Variants in SNX8 observed in about 807,000 individuals in gnomAD.
The protein encoded by SNX8 is sorting nexin-8.
Under a neutral mutation model 51.6 loss-of-function variants are expected in SNX8, and 25 were observed. The observed-to-expected ratio is 0.48, with a 90% CI of 0.35 to 0.68. The LOEUF is 0.68. Among genes scored for constraint, SNX8 ranks in the 30% least tolerant of loss-of-function variants. The pLI, the probability that SNX8 is intolerant of heterozygous loss-of-function variation, is 0.00. For synonymous variants in SNX8, 324 were observed against 277.0 expected, an observed-to-expected ratio of 1.17 and a Z score of -1.68; for missense variants, 695 against 624.0, an observed-to-expected ratio of 1.11 and a Z score of -1.21.
At chr7:2,286,320 A>C (rs1796027406) in intron 1 of SNX8, among the ~76,000 whole-genome samples, 1 of 151,884 alleles carries the variant, frequency 6.6e-6, no homozygotes, top group South Asian at 2.1e-4. Flanking sequence ...CCTAGGTCGT[A>C]TACTTTAAAC....
intron 7 of SNX8, among the ~76,000 whole-genome samples, chr7:2,260,554 G>A (rs982735055): frequency 6.6e-6 from 1 of 152,096 alleles, no homozygotes; most frequent in African/African-American, 2.4e-5. Context: ...ACCCTACTCC[G>A]AGTCTCACGT....
chr7:2,350,299 G>C (rs1222822462), intron 1 of SNX8, among the ~76,000 whole-genome samples: 1 of 152,190 alleles, frequency 6.6e-6, no homozygotes, highest in African/African-American at 2.4e-5. Flanking sequence ...TCTCGGCCCA[G>C]TCTCCGGGCT....
chr7:2,262,023 C>T (rs574935765), intron 7 of SNX8, among the ~76,000 whole-genome samples: 3 of 152,282 alleles, frequency 2.0e-5, no homozygotes, highest in East Asian at 3.9e-4. Context: ...CAAGCTCCCA[C>T]ATTCACAACT....
upstream of SNX8, among the ~76,000 whole-genome samples, chr7:2,318,198 C>T (rs1423518022): frequency 1.3e-5 from 2 of 152,134 alleles, no homozygotes. Context: ...GCACAGGCCA[C>T]CATGCCCAGC....
At chr7:2,296,758 C>A (rs998476313) in intron 1 of SNX8, among the ~76,000 whole-genome samples, 2 of 151,746 alleles carry the variant, frequency 1.3e-5, no homozygotes, top group Admixed American at 1.3e-4. Flanking sequence ...TGGTTAAACC[C>A]CATCTCTACA....
At chr7:2,347,058 T>C (rs1486568210) in intron 1 of SNX8, among the ~76,000 whole-genome samples, 1 of 152,036 alleles carries the variant, frequency 6.6e-6, no homozygotes, top group Non-Finnish European at 1.5e-5. Context: ...GAACAGGGTG[T>C]GTTGCTCACC....
upstream of SNX8, among the ~76,000 whole-genome samples, chr7:2,318,366 C>T (rs1355319070): frequency 6.6e-6 from 1 of 151,602 alleles, no homozygotes; most frequent in Non-Finnish European, 1.5e-5. Flanking sequence ...GCCTGGCCAA[C>T]ATGAGGAAAC....
chr7:2,314,278 C>A (rs1300208062), intron 1 of SNX8, 50 bp downstream of exon 1: 2 of 1,215,556 alleles, frequency 1.6e-6, no homozygotes, highest in Non-Finnish European at 2.0e-6. Flanking sequence ...CGGGGGTGGT[C>A]GGGCCGCGCG....
At chr7:2,325,375 G>A (rs1778604230) in intron 1 of SNX8, among the ~76,000 whole-genome samples, 1 of 152,164 alleles carries the variant, frequency 6.6e-6, no homozygotes, top group Non-Finnish European at 1.5e-5. Flanking sequence ...ACTAGAAATA[G>A]GGAAGTTAAA....
At chr7:2,314,071 A>G (rs907716390) in intron 1 of SNX8, among the ~76,000 whole-genome samples, 1 of 152,130 alleles carries the variant, frequency 6.6e-6, no homozygotes, top group African/African-American at 2.4e-5. Flanking sequence ...GCCAGCTGTA[A>G]CCTGGACAGG....
chr7:2,259,245 A>T (rs1292069390), intron 7 of SNX8, among the ~76,000 whole-genome samples: 1 of 152,198 alleles, frequency 6.6e-6, no homozygotes, highest in African/African-American at 2.4e-5. Context: ...CAACCAAGCC[A>T]GGCCGATGGC....
chr7:2,311,655 A>C (rs534742669), intron 1 of SNX8, among the ~76,000 whole-genome samples: 1 of 151,680 alleles, frequency 6.6e-6, no homozygotes, highest in Non-Finnish European at 1.5e-5. Context: ...AAGACCTGCG[A>C]GGCCGGGCGC....
intron 1 of SNX8, among the ~76,000 whole-genome samples, chr7:2,351,987 G>A (rs1440468092): frequency 2.3e-5 from 3 of 131,624 alleles, no homozygotes; most frequent in Admixed American, 8.9e-5. Context: ...CGCTCACTAC[G>A]CCCTCTGCCT....
In SNX8 at chr7:2,342,983, C is replaced by T. The variant is rs565012680; in HGVS notation, c.-66+11239G>A. 2.3e-4 allele frequency among the ~76,000 whole-genome samples: 35 copies of T among 151,922 alleles called. No homozygotes were observed. In the South Asian group the frequency reaches 3.5e-3, roughly 15 times the overall value. On this transcript the variant is annotated intron_variant, in intron 1 of 5. Coordinates refer to the SNX8 transcript ENST00000435336. ...AATTTTTTTGTATTTTTAGTAGAGA[C>T]GGGGTTTTACCGTATTGGTCAGGCT...
intron 1 of SNX8, among the ~76,000 whole-genome samples, chr7:2,348,039 T>C (rs1779065979): frequency 6.6e-6 from 1 of 152,112 alleles, no homozygotes; most frequent in Admixed American, 6.6e-5. Context: ...CCTGGAGAAA[T>C]TACTGAGATA....
At chr7:2,330,692 C>T (rs1778714207) in intron 1 of SNX8, among the ~76,000 whole-genome samples, 3 of 152,052 alleles carry the variant, frequency 2.0e-5, no homozygotes, top group Admixed American at 2.0e-4. Context: ...TGGAGGACAC[C>T]CAGCTGTGCC....
chr7:2,275,093 G>A lies in SNX8; in HGVS notation c.418+19C>T, dbSNP rs1423989971. 6.4e-7 allele frequency: 1 copy of A among 1,551,828 alleles called. No homozygotes were observed. On this transcript the variant is annotated intron_variant, in intron 3 of 10. Transcript: ENST00000222990. ...GGCTCGCTCCCTCCGCCCCCGGTGG[G>A]CAGCACGCCTGGCTTTACCTCCCAG...
At chr7:2,312,559 T>C (rs756276454) in intron 1 of SNX8, among the ~76,000 whole-genome samples, 5 of 152,086 alleles carry the variant, frequency 3.3e-5, no homozygotes, top group South Asian at 2.1e-4. Flanking sequence ...TGAAGACCCA[T>C]TCTGAAAGGC....
intron 3 of SNX8, among the ~76,000 whole-genome samples, chr7:2,273,857 T>TCG (rs1795709524): frequency 6.8e-6 from 1 of 148,112 alleles, no homozygotes; most frequent in Non-Finnish European, 1.5e-5. Flanking sequence ...TGAGCCGAGA[T>TCG]TGCACCACTG....
Sources: allele counts gnomAD v4.1 joint callset (sites outside exome capture counted in the v4.1 genomes callset), GRCh38; gene constraint gnomAD v4.1.1; transcripts MANE v1.5; gene names NCBI Gene and HGNC (gene_info 2026-07-23, HGNC 2026-07-21).